The following PKP2 variants were observed in gnomAD, a reference collection of about 807,000 sequenced individuals.
PKP2 encodes the protein plakophilin-2.
PKP2 carries 73 observed loss-of-function variants against 83.4 expected under a neutral mutation model. That is an observed-to-expected ratio of 0.88 (90% CI 0.72 to 1.06). The LOEUF (loss-of-function observed/expected upper bound fraction) is 1.06. Ranked by LOEUF, PKP2 falls within the 50% of genes least tolerant of loss-of-function variation. The pLI, the probability that PKP2 is intolerant of heterozygous loss-of-function variation, is 0.00. For missense variants in PKP2, 966 were observed against 1,065.4 expected (o/e 0.91, Z 1.30); for synonymous variants, 409 against 430.4 (o/e 0.95, Z 0.62).
At chr12:32,826,236 G>A (rs891608231) in intron 6 of PKP2, among the ~76,000 whole-genome samples, 4 of 150,578 alleles carry the variant, frequency 2.7e-5, no homozygotes, top group African/African-American at 4.9e-5. Context: ...AACTCGGAAG[G>A]TGGAGCTTGC....
chr12:32,848,695 A>G (rs910727651), intron 5 of PKP2, among the ~76,000 whole-genome samples: 5 of 152,144 alleles, frequency 3.3e-5, no homozygotes, highest in African/African-American at 1.2e-4. Context: ...GTTGGGTACT[A>G]TGCTGAGTAC....
chr12:32,845,413 G>A (rs189302955), intron 5 of PKP2, among the ~76,000 whole-genome samples: 3 of 152,082 alleles, frequency 2.0e-5, no homozygotes, highest in South Asian at 2.1e-4. Context: ...TTAGCCAGGC[G>A]TGGTGGCGGG....
intron 6 of PKP2, among the ~76,000 whole-genome samples, chr12:32,840,385 A>G (rs192063354): frequency 6.6e-5 from 10 of 152,090 alleles, no homozygotes; most frequent in Middle Eastern, 6.8e-3. Context: ...TGGAACCTCA[A>G]CCTCCTGTGC....
intron 9 of PKP2, among the ~76,000 whole-genome samples, chr12:32,819,260 A>G: frequency 6.6e-6 from 1 of 151,668 alleles, no homozygotes; most frequent in Admixed American, 6.6e-5. Context: ...CCTGGGCAAC[A>G]GAGTGAGATT....
intron 10 of PKP2, among the ~76,000 whole-genome samples, chr12:32,798,213 T>C (rs10844355): frequency 0.2 from 30,643 of 149,822 alleles, 3,780 homozygotes; most frequent in East Asian, 0.56. Context: ...GCCTCCCGAG[T>C]AGCTAGGATT....
At chr12:32,846,668 C>T (rs952337940) in intron 5 of PKP2, among the ~76,000 whole-genome samples, 1 of 149,190 alleles carries the variant, frequency 6.7e-6, no homozygotes, top group African/African-American at 2.5e-5. Context: ...TCGCTTGAAT[C>T]TGGGAGGCAG....
At chr12:32,860,649 C>T (rs1388347932) in intron 4 of PKP2, among the ~76,000 whole-genome samples, 1 of 152,136 alleles carries the variant, frequency 6.6e-6, no homozygotes, top group East Asian at 1.9e-4. Context: ...TTGATAGATG[C>T]AGCAAACCAC....
chr12:32,873,654 T>A (rs1345848361), intron 3 of PKP2, among the ~76,000 whole-genome samples: 2 of 152,116 alleles, frequency 1.3e-5, no homozygotes, highest in Admixed American at 6.6e-5. Context: ...CTCAGCCTCC[T>A]GAGTAGCTGG....
chr12:32,853,723 C>T (rs1433173552), intron 4 of PKP2, among the ~76,000 whole-genome samples: 2 of 152,130 alleles, frequency 1.3e-5, no homozygotes, highest in Non-Finnish European at 2.9e-5. Flanking sequence ...GTTGGCCAGG[C>T]TGGTCTCGAA....
Position 32,896,770 on chromosome 12 carries a change from G to A in PKP2, c.-39C>T. The A allele has an allele frequency of 8.8e-7, 1 of 1,138,266 alleles. No homozygotes were observed. Among genetic ancestry groups the A allele is most frequent in the South Asian group, 1.9e-5 (1 of 52,800 alleles). The allele number at this position is 1,138,266 out of a possible 1,614,324, so 70.5% of individuals were successfully genotyped here. Reference sequence around the variant, plus strand: ...GCGACCGAGCTGCTCGCCTGCCTCTGGACTCGCGGGCGAAGCCGCCACGGA... The same window carrying A: ...GCGACCGAGCTGCTCGCCTGCCTCTAGACTCGCGGGCGAAGCCGCCACGGA... On this transcript the variant is annotated 5_prime_UTR_variant, in exon 1 of 13. Transcript: ENST00000340811.
At chr12:32,840,956 T>C in intron 6 of PKP2, 72 bp downstream of exon 6, 2 of 1,067,750 alleles carry the variant, frequency 1.9e-6, no homozygotes, top group Non-Finnish European at 2.9e-6. Flanking sequence ...AGGCAGAATA[T>C]ATCCTGACTT....
chr12:32,842,539 C>T (rs1168935715), intron 5 of PKP2, among the ~76,000 whole-genome samples: 3 of 152,110 alleles, frequency 2.0e-5, no homozygotes, highest in Admixed American at 1.3e-4. Context: ...TTGCCTGGCC[C>T]GCCTCATTAT....
intron 5 of PKP2, among the ~76,000 whole-genome samples, chr12:32,845,514 T>C (rs1339583673): frequency 2.0e-5 from 3 of 152,178 alleles, no homozygotes; most frequent in Non-Finnish European, 4.4e-5. Context: ...ATCATGCCAC[T>C]GTACTCCAGC....
At chr12:32,860,873 C>T (rs774824211) in intron 4 of PKP2, among the ~76,000 whole-genome samples, 1 of 151,944 alleles carries the variant, frequency 6.6e-6, no homozygotes, top group African/African-American at 2.4e-5. Flanking sequence ...ACTAAAAATA[C>T]AAAAATTAGC....
chr12:32,895,392 G>A (rs1024881016), intron 1 of PKP2, among the ~76,000 whole-genome samples: 2 of 152,106 alleles, frequency 1.3e-5, no homozygotes, highest in South Asian at 2.1e-4. Context: ...GAAATCTCTG[G>A]TCTGGCCTGT....
intron 8 of PKP2, among the ~76,000 whole-genome samples, chr12:32,822,091 CA>C (rs1264427826): frequency 6.6e-6 from 1 of 152,180 alleles, no homozygotes; most frequent in Non-Finnish European, 1.5e-5. Context: ...GGCCAAATAT[CA>C]GGGCCGACTT....
At chr12:32,834,705 G>GA (rs1565584784) in intron 6 of PKP2, among the ~76,000 whole-genome samples, 1 of 151,968 alleles carries the variant, frequency 6.6e-6, no homozygotes, top group African/African-American at 2.4e-5. Context: ...AAGAAGACTG[G>GA]GGGGGAGGAG....
rs1047930201 is a variant in PKP2, at chr12:32,880,490, T to C, written c.224-1458A>G. Reference sequence around the variant, plus strand: ...ATCAACTTCAGGCCAATGCTGGGGTTGAGATATTTGGCAACAGGAGAGTTA... The same window carrying C: ...ATCAACTTCAGGCCAATGCTGGGGTCGAGATATTTGGCAACAGGAGAGTTA... On this transcript the variant is annotated intron_variant, in intron 1 of 12. Coordinates refer to ENST00000340811, the MANE Select transcript of PKP2 (RefSeq NM_001005242.3). 2.0e-4 allele frequency among the ~76,000 whole-genome samples: 31 copies of C among 152,156 alleles called. 1 individual carries two copies. Among genetic ancestry groups the C allele is most frequent in the Admixed American group, 6.6e-5 (1 of 15,264 alleles).
intron 9 of PKP2, among the ~76,000 whole-genome samples, chr12:32,812,921 T>C (rs1411704591): frequency 1.3e-5 from 2 of 152,232 alleles, no homozygotes; most frequent in Non-Finnish European, 2.9e-5. Context: ...CATGTTAACT[T>C]GATCGCAGTC....
Sources: gnomAD v4.1 joint callset for allele counts (sites outside exome capture counted in the v4.1 genomes callset) on GRCh38, gnomAD v4.1.1 for gene constraint, MANE v1.5 for transcripts, NCBI Gene and HGNC (gene_info 2026-07-23, HGNC 2026-07-21) for gene names.